The following PDE4B variants were observed in gnomAD, a reference collection of about 807,000 sequenced individuals.
The protein encoded by PDE4B is phosphodiesterase 4B.
In PDE4B, 20 loss-of-function variants were observed where a neutral mutation model predicts 82.2. The ratio of observed to expected loss-of-function variants is 0.24; its 90% CI spans 0.17 to 0.35. PDE4B has a LOEUF of 0.35. Among genes scored for constraint, PDE4B ranks in the 10% least tolerant of loss-of-function variants. PDE4B has a pLI of 1.00. For missense variants in PDE4B, 655 were observed against 907.2 expected (o/e 0.72, Z 3.57); for synonymous variants, 320 against 318.9 (o/e 1.00, Z -0.04).
chr1:66,364,840 A>T (rs943926027), intron 12 of PDE4B, among the ~76,000 whole-genome samples: 1 of 152,134 alleles, frequency 6.6e-6, no homozygotes, highest in Non-Finnish European at 1.5e-5. Context: ...AACTTTTTAG[A>T]AAAGGGAGAG....
chr1:66,333,548 A>C (rs1052862317), intron 8 of PDE4B, among the ~76,000 whole-genome samples: 2 of 152,214 alleles, frequency 1.3e-5, no homozygotes, highest in Admixed American at 1.3e-4. Context: ...AGTCCCAGTC[A>C]TTCTAGCCTG....
intron 3 of PDE4B, among the ~76,000 whole-genome samples, chr1:65,922,500 C>T (rs1364744961): frequency 6.6e-6 from 1 of 152,076 alleles, no homozygotes; most frequent in Non-Finnish European, 1.5e-5. Context: ...AAAGTTGATA[C>T]TGAAAAATAT....
chr1:66,224,083 TG>T (rs1423788610), intron 3 of PDE4B, among the ~76,000 whole-genome samples: 6 of 152,220 alleles, frequency 3.9e-5, no homozygotes, highest in African/African-American at 1.2e-4. Context: ...GTAACTCAAC[TG>T]TCTCCAAAAT....
intron 7 of PDE4B, among the ~76,000 whole-genome samples, chr1:66,326,727 T>C (rs2101902365): frequency 6.6e-6 from 1 of 152,318 alleles, no homozygotes; most frequent in Middle Eastern, 3.4e-3. Context: ...TTCTGATATA[T>C]AGAGATATGT....
chr1:65,861,607 G>T (rs184195049), intron 1 of PDE4B, among the ~76,000 whole-genome samples: 1 of 152,244 alleles, frequency 6.6e-6, no homozygotes, highest in African/African-American at 2.4e-5. Context: ...AGCTTGATGG[G>T]AATAGGATTC....
intron 3 of PDE4B, among the ~76,000 whole-genome samples, chr1:66,167,577 C>T (rs1646759870): frequency 6.6e-6 from 1 of 152,064 alleles, no homozygotes; most frequent in Non-Finnish European, 1.5e-5. Flanking sequence ...ATATTAAAAA[C>T]CATTGAATTG....
intron 1 of PDE4B, among the ~76,000 whole-genome samples, chr1:65,842,419 G>A (rs1646217818): frequency 6.6e-6 from 1 of 152,060 alleles, no homozygotes; most frequent in African/African-American, 2.4e-5. Context: ...AAGTCTTATT[G>A]AGTGGTATAA....
chr1:66,317,947 A>G (rs958706918), intron 7 of PDE4B, among the ~76,000 whole-genome samples: 4 of 152,204 alleles, frequency 2.6e-5, no homozygotes, highest in African/African-American at 9.7e-5. Flanking sequence ...GGCAAGATTG[A>G]GGAGGTGGGA....
intron 3 of PDE4B, among the ~76,000 whole-genome samples, chr1:66,031,194 A>G (rs565413484): frequency 6.6e-6 from 1 of 152,364 alleles, no homozygotes. Flanking sequence ...ATTTCCAGGT[A>G]TTTAAAGTAA....
chr1:65,826,031 C>G (rs181793259), intron 1 of PDE4B, among the ~76,000 whole-genome samples: 39 of 152,202 alleles, frequency 2.6e-4, no homozygotes, highest in Admixed American at 7.2e-4. Context: ...GAAGACTTGC[C>G]TGATTTACTG....
At chr1:66,164,767 T>C (rs1171824992) in intron 3 of PDE4B, among the ~76,000 whole-genome samples, 1 of 137,766 alleles carries the variant, frequency 7.3e-6, no homozygotes, top group East Asian at 2.1e-4. Context: ...TTTTTTTTTT[T>C]TTTTTTTGAG....
intron 3 of PDE4B, among the ~76,000 whole-genome samples, chr1:66,154,039 C>T (rs527513428): frequency 6.6e-6 from 1 of 152,210 alleles, no homozygotes; most frequent in South Asian, 2.1e-4. Context: ...AATTCTTTTC[C>T]CTTCTTTCTT....
At chr1:65,888,781 T>G (rs1646820295) in intron 1 of PDE4B, among the ~76,000 whole-genome samples, 1 of 152,186 alleles carries the variant, frequency 6.6e-6, no homozygotes, top group South Asian at 2.1e-4. Flanking sequence ...CAATACTGAT[T>G]TTTGTATATT....
chr1:66,239,470 AG>A (rs1652714059), intron 3 of PDE4B, among the ~76,000 whole-genome samples: 1 of 152,260 alleles, frequency 6.6e-6, no homozygotes, highest in Non-Finnish European at 1.5e-5. Flanking sequence ...AGTAGATAAA[AG>A]TTTGAAATCG....
In PDE4B at chr1:66,286,472, A is replaced by G. The variant is rs116173613; in HGVS notation, c.634+20385A>G. On this transcript the variant is annotated intron_variant, in intron 7 of 16. Coordinates refer to ENST00000341517, the MANE Select transcript of PDE4B (RefSeq NM_002600.4). The stretch of plus-strand genomic sequence containing the variant: ...TTCTATGACTGATATTTTGTGGTGC[A>G]GATGTGACTGCCACATTGTGAAACA... Among the ~76,000 whole-genome samples the G allele has an allele frequency of 3.9e-3, 601 of 152,258 alleles. 2 individuals are homozygous for G. Among genetic ancestry groups the G allele is most frequent in the African/African-American group, 0.014 (580 of 41,542 alleles).
intron 3 of PDE4B, among the ~76,000 whole-genome samples, chr1:66,133,050 G>A (rs1645983653): frequency 6.6e-6 from 1 of 152,156 alleles, no homozygotes; most frequent in Admixed American, 6.5e-5. Context: ...ATGCATCAAG[G>A]ACAAGGAACC....
intron 7 of PDE4B, among the ~76,000 whole-genome samples, chr1:66,287,334 T>C (rs140236939): frequency 1.4e-3 from 211 of 152,276 alleles, no homozygotes; most frequent in Non-Finnish European, 2.6e-3. Flanking sequence ...ATTAGGTGGA[T>C]TGTAAACTCC....
chr1:65,894,972 G>A (rs879464564), intron 1 of PDE4B, among the ~76,000 whole-genome samples: 2 of 152,090 alleles, frequency 1.3e-5, no homozygotes, highest in Admixed American at 1.3e-4. Flanking sequence ...AATTAACTTG[G>A]TAGTTTCTTT....
chr1:66,063,740 T>C (rs1655699294), intron 3 of PDE4B, among the ~76,000 whole-genome samples: 1 of 151,952 alleles, frequency 6.6e-6, no homozygotes, highest in African/African-American at 2.4e-5. Context: ...TTGGGTAAAA[T>C]AGTTTCTTTT....
Sources: gnomAD v4.1 joint callset for allele counts (sites outside exome capture counted in the v4.1 genomes callset) on GRCh38, gnomAD v4.1.1 for gene constraint, MANE v1.5 for transcripts, NCBI Gene and HGNC (gene_info 2026-07-23, HGNC 2026-07-21) for gene names.